Variants in PCDHGA2 observed in about 807,000 individuals in gnomAD.
PCDHGA2 encodes the protein protocadherin gamma-A2.
In PCDHGA2, 40 loss-of-function variants were observed where a neutral mutation model predicts 59.2. That is an observed-to-expected ratio of 0.68 (90% CI 0.52 to 0.88). The LOEUF (loss-of-function observed/expected upper bound fraction) is 0.88, where lower values mean the gene tolerates loss of function less well. PCDHGA2 is among the 40% of genes least tolerant of loss of function. PCDHGA2 has a pLI of 0.00. For synonymous variants in PCDHGA2, 560 were observed against 526.0 expected, an observed-to-expected ratio of 1.06 and a Z score of -0.89; for missense variants, 1,226 against 1,204.0, an observed-to-expected ratio of 1.02 and a Z score of -0.27.
At chr5:141,370,553 C>T in intron 1 of PCDHGA2, 1 of 1,613,810 alleles carries the variant, frequency 6.2e-7, no homozygotes, top group African/African-American at 1.3e-5. Flanking sequence ...TCGCCAAGGA[C>T]CTGGGGTTTG....
intron 1 of PCDHGA2, chr5:141,352,435 C>T (rs986564447): frequency 1.3e-5 from 21 of 1,613,926 alleles, no homozygotes; most frequent in Non-Finnish European, 1.6e-5. Context: ...GCTTTCAAAC[C>T]GGTCTCTGCT....
At chr5:141,414,899 G>C (rs756810046) in intron 1 of PCDHGA2, 4 of 1,614,182 alleles carry the variant, frequency 2.5e-6, no homozygotes, top group Non-Finnish European at 3.4e-6. Context: ...CCCACAGACG[G>C]TTCCACAGGC....
intron 1 of PCDHGA2, chr5:141,390,508 T>C (rs2092164423): frequency 5.1e-6 from 3 of 589,420 alleles, no homozygotes; most frequent in Non-Finnish European, 8.8e-6. Flanking sequence ...AGCTTAGATT[T>C]ATAAAGCAAT....
In PCDHGA2 at chr5:141,381,283, C is replaced by T. The variant is rs142136901; in HGVS notation, c.2424+39888C>T. On this transcript the variant is annotated intron_variant, in intron 1 of 3. Transcript: ENST00000394576. ...AAACCAAGACTGTTTCTTGCCAGGT[C>T]TTTATTCCAGAGCAGGTCATTCTCT... 3.8e-3 allele frequency among the ~76,000 whole-genome samples: 584 copies of T among 152,356 alleles called. 6 individuals are homozygous for T. The highest frequency in any genetic ancestry group is 0.011 in the Admixed American group (170 of 15,296).
chr5:141,491,726 C>T lies in PCDHGA2; in HGVS notation c.2425-3081C>T. On this transcript the variant is annotated intron_variant, in intron 1 of 3. Transcript: ENST00000394576. This position sits in a 1 kb window ranked among gnomAD's most constrained non-coding sequence, Gnocchi z 6.9. ...GTGAGGGGCTCGGCGCCGCCCCGGG[C>T]GACCCCTGGGGGCGGCACTGGAGAA... The T allele has an allele frequency of 6.2e-7, 1 of 1,605,884 alleles. No individual in the cohort carries two copies. Among genetic ancestry groups the T allele is most frequent in the East Asian group, 2.2e-5 (1 of 44,600 alleles).
At chr5:141,371,895 C>T (rs1561553190) in intron 1 of PCDHGA2, 1 of 1,613,450 alleles carries the variant, frequency 6.2e-7, no homozygotes. Context: ...GCCGCGGGAG[C>T]TGTCGTCCTA....
chr5:141,372,524 A>T, intron 1 of PCDHGA2: 1 of 1,613,968 alleles, frequency 6.2e-7, no homozygotes, highest in Non-Finnish European at 8.5e-7. Context: ...TGATTCTGGC[A>T]ATCTCCCTGC....
At chr5:141,410,688 A>G in intron 1 of PCDHGA2, 1 of 1,519,164 alleles carries the variant, frequency 6.6e-7, no homozygotes, top group South Asian at 1.3e-5. Flanking sequence ...TAGGCATACT[A>G]CTTTATTTTC....
chr5:141,508,737 C>A (rs919094477), intron 3 of PCDHGA2, among the ~76,000 whole-genome samples: 8 of 152,010 alleles, frequency 5.3e-5, no homozygotes, highest in Non-Finnish European at 1.2e-4. Flanking sequence ...CTACACCCCC[C>A]ACCCCGCTCT....
intron 1 of PCDHGA2, chr5:141,397,913 G>C (rs1429104427): frequency 1.4e-6 from 1 of 691,886 alleles, no homozygotes; most frequent in African/African-American, 1.8e-5. Flanking sequence ...TGGCGCTCCA[G>C]ATCTCCTCGC....
At chr5:141,437,826 CT>C (rs1263000808) in intron 1 of PCDHGA2, among the ~76,000 whole-genome samples, 5 of 151,936 alleles carry the variant, frequency 3.3e-5, no homozygotes, top group African/African-American at 1.2e-4. Flanking sequence ...CAACCTCTGC[CT>C]CCTGGGTTCA....
At chr5:141,375,316 C>T (rs1308700957) in intron 1 of PCDHGA2, 4 of 1,613,660 alleles carry the variant, frequency 2.5e-6, no homozygotes, top group South Asian at 2.2e-5. Flanking sequence ...CAGCTCTAGA[C>T]CGGGAAGAGG....
chr5:141,370,865 G>T (rs749306291), intron 1 of PCDHGA2: 1 of 1,614,004 alleles, frequency 6.2e-7, no homozygotes, highest in Non-Finnish European at 8.5e-7. Context: ...TGGAATCTGC[G>T]CAAGATCCTG....
chr5:141,454,796 ATTTTTTTTTT>A (rs61612330), intron 1 of PCDHGA2, among the ~76,000 whole-genome samples: 11 of 77,458 alleles, frequency 1.4e-4, no homozygotes, highest in East Asian at 8.0e-4. Flanking sequence ...CATGGTTCTA[ATTTTTTTTTT>A]TTTTTTTTTT....
intron 1 of PCDHGA2, among the ~76,000 whole-genome samples, chr5:141,443,876 G>C (rs2098409251): frequency 6.6e-6 from 1 of 152,152 alleles, no homozygotes; most frequent in South Asian, 2.1e-4. Flanking sequence ...TTACTGATAA[G>C]TCAAGAGAAA....
chr5:141,350,646 G>C (rs780333642), intron 1 of PCDHGA2: 4 of 1,613,896 alleles, frequency 2.5e-6, no homozygotes, highest in African/African-American at 1.3e-5. Context: ...AATGCACCAC[G>C]TTTCGTTGCA....
chr5:141,355,504 T>C (rs1759880849), intron 1 of PCDHGA2: 8 of 1,614,034 alleles, frequency 5.0e-6, no homozygotes, highest in Non-Finnish European at 6.8e-6. Context: ...ATCTCCAAAC[T>C]GTGTGACAAA....
rs374655655 is a variant in PCDHGA2, at chr5:141,431,023, C to A, written c.2425-63784C>A. 1 of 1,613,748 alleles carries A rather than the reference C, an allele frequency of 6.2e-7. No homozygotes were observed. The highest frequency in any genetic ancestry group is 2.2e-5 in the East Asian group (1 of 44,862). On this transcript the variant is annotated intron_variant, in intron 1 of 3. Coordinates refer to ENST00000394576, the MANE Select transcript of PCDHGA2 (RefSeq NM_018915.4). The surrounding 1 kb of genome is among the most constrained non-coding windows in gnomAD (Gnocchi z 4.8). ...GCAGCGGCAGCTTGGTCACGGCGGG[C>A]AGGATAGACCGGGAGGAGCTCTGTA...
chr5:141,478,435 G>A, intron 1 of PCDHGA2: 1 of 1,613,736 alleles, frequency 6.2e-7, no homozygotes, highest in Non-Finnish European at 8.5e-7. Context: ...ACCCGCTGCT[G>A]AAGAAACCTG....
Sources: gnomAD v4.1 joint callset for allele counts (sites outside exome capture counted in the v4.1 genomes callset) on GRCh38, gnomAD v4.1.1 for gene constraint, Gnocchi (gnomAD v3.1) non-coding constraint, MANE v1.5 for transcripts, NCBI Gene and HGNC (gene_info 2026-07-23, HGNC 2026-07-21) for gene names.